SLC26A7: variants seen among roughly 807,000 people sequenced by gnomAD.
The protein encoded by SLC26A7 is solute carrier family 26 member 7.
Under a neutral mutation model 82.5 loss-of-function variants are expected in SLC26A7, and 59 were observed. That is an observed-to-expected ratio of 0.72 (90% CI 0.58 to 0.89). The LOEUF (loss-of-function observed/expected upper bound fraction) is 0.89, where lower values mean the gene tolerates loss of function less well. Ranked by LOEUF, SLC26A7 falls within the 40% of genes least tolerant of loss-of-function variation. The probability of loss-of-function intolerance (pLI) is 0.00; values close to 1 mark genes in which losing one functional copy is unlikely to be tolerated. For synonymous variants in SLC26A7, 271 were observed against 274.3 expected (o/e 0.99, Z 0.12); for missense variants, 820 against 793.0 (o/e 1.03, Z -0.41).
Position 91,277,870 on chromosome 8 carries a change from A to G in SLC26A7, c.194-11266A>G, listed in dbSNP as rs1811448039. 2.6e-5 allele frequency among the ~76,000 whole-genome samples: 4 copies of G among 152,108 alleles called. No individual in the cohort carries two copies. The South Asian group carries it at 8.3e-4, about 32-fold the overall frequency. On this transcript the variant is annotated intron_variant, in intron 2 of 18. Transcript: ENST00000276609. ...CTATCTTAGGCTTATTCCCCCCCAA[A>G]TTAGTGACTGAGTCAGGATTTATGT...
intron 2 of SLC26A7, among the ~76,000 whole-genome samples, chr8:91,222,052 C>A (rs1205424673): frequency 6.6e-6 from 1 of 152,040 alleles, no homozygotes; most frequent in Non-Finnish European, 1.5e-5. Context: ...TTTCCTTGAA[C>A]AATGGTTTGT....
chr8:91,312,639 GTC>G (rs1475903594), intron 4 of SLC26A7, among the ~76,000 whole-genome samples: 1 of 48,502 alleles, frequency 2.1e-5, no homozygotes, highest in Admixed American at 1.8e-4. Context: ...ATGTAGGTGT[GTC>G]TGTGTGTGTG....
intron 2 of SLC26A7, among the ~76,000 whole-genome samples, chr8:91,283,138 T>A (rs1203487037): frequency 6.6e-6 from 1 of 152,242 alleles, no homozygotes; most frequent in African/African-American, 2.4e-5. Context: ...GAAGGGTATC[T>A]GACTCAAGAT....
intron 10 of SLC26A7, among the ~76,000 whole-genome samples, 181 bp downstream of exon 10, chr8:91,352,068 G>T (rs1217901053): frequency 2.6e-5 from 4 of 151,958 alleles, no homozygotes; most frequent in Non-Finnish European, 5.9e-5. Context: ...GTGGGAGGGG[G>T]TACCGTGGCT....
At chr8:91,213,685 A>T (rs775250180) in intron 1 of SLC26A7, among the ~76,000 whole-genome samples, 7 of 152,192 alleles carry the variant, frequency 4.6e-5, no homozygotes, top group Non-Finnish European at 1.0e-4. Context: ...GGAAGATGAG[A>T]TCACTGTAGG....
At chr8:91,285,933 GT>G (rs1167434407) in intron 2 of SLC26A7, among the ~76,000 whole-genome samples, 2 of 152,128 alleles carry the variant, frequency 1.3e-5, no homozygotes, top group Non-Finnish European at 2.9e-5. Context: ...TGTTTCTTTG[GT>G]TTTCTGAATA....
intron 16 of SLC26A7, among the ~76,000 whole-genome samples, chr8:91,390,875 C>T (rs1814947517): frequency 6.6e-6 from 1 of 152,144 alleles, no homozygotes; most frequent in South Asian, 2.1e-4. Flanking sequence ...AACTCAGCCA[C>T]CCTGTGCTGC....
intron 7 of SLC26A7, among the ~76,000 whole-genome samples, chr8:91,338,507 A>G (rs1315017983): frequency 6.6e-6 from 1 of 152,190 alleles, no homozygotes. Flanking sequence ...AATAGAGGGC[A>G]TTGACTTTGC....
At chr8:91,288,869 A>AATGGT (rs1811784705) in intron 2 of SLC26A7, among the ~76,000 whole-genome samples, 1 of 152,230 alleles carries the variant, frequency 6.6e-6, no homozygotes, top group East Asian at 1.9e-4. Flanking sequence ...ATTCAACAGG[A>AATGGT]AGACTCTCTG....
At chr8:91,288,280 TTTA>T (rs1242880934) in intron 2 of SLC26A7, among the ~76,000 whole-genome samples, 1 of 152,180 alleles carries the variant, frequency 6.6e-6, no homozygotes, top group Non-Finnish European at 1.5e-5. Flanking sequence ...TGTAAAGTCC[TTTA>T]TGCCCAATTT....
upstream of SLC26A7, among the ~76,000 whole-genome samples, chr8:91,245,139 T>G (rs1052507947): frequency 6.6e-6 from 1 of 152,166 alleles, no homozygotes; most frequent in Non-Finnish European, 1.5e-5. Flanking sequence ...CCATAGAATA[T>G]CAGAACTCTT....
At chr8:91,365,779 C>T (rs530837985) in intron 13 of SLC26A7, among the ~76,000 whole-genome samples, 8 of 152,234 alleles carry the variant, frequency 5.3e-5, no homozygotes, top group African/African-American at 7.2e-5. Context: ...CTGTATGCAT[C>T]GCTATTCTTT....
intron 16 of SLC26A7, among the ~76,000 whole-genome samples, chr8:91,391,575 C>A (rs533419244): frequency 6.6e-6 from 1 of 152,266 alleles, no homozygotes; most frequent in Non-Finnish European, 1.5e-5. Context: ...ATTGTAAACA[C>A]ATGGTTCCTC....
intron 5 of SLC26A7, among the ~76,000 whole-genome samples, chr8:91,332,703 T>A (rs1813127828): frequency 6.6e-6 from 1 of 151,422 alleles, no homozygotes; most frequent in Admixed American, 6.6e-5. Context: ...GCTAATTTTT[T>A]AAATTTTTCA....
intron 2 of SLC26A7, among the ~76,000 whole-genome samples, chr8:91,219,761 T>C (rs1185604093): frequency 1.3e-5 from 2 of 152,174 alleles, no homozygotes; most frequent in Non-Finnish European, 2.9e-5. Context: ...AGCACTGAAT[T>C]AGAAACTTTG....
chr8:91,377,028 G>C (rs1280735955), intron 15 of SLC26A7, among the ~76,000 whole-genome samples: 1 of 152,126 alleles, frequency 6.6e-6, no homozygotes, highest in African/African-American at 2.4e-5. Context: ...CCCCAGTCCA[G>C]AGCAGACAAC....
intron 2 of SLC26A7, among the ~76,000 whole-genome samples, chr8:91,231,446 TCA>T (rs1454175888): frequency 2.0e-5 from 3 of 152,146 alleles, no homozygotes; most frequent in African/African-American, 7.2e-5. Flanking sequence ...AAGGCCAAAA[TCA>T]CACACGGGGA....
intron 2 of SLC26A7, among the ~76,000 whole-genome samples, chr8:91,263,213 A>G (rs1811015045): frequency 6.6e-6 from 1 of 152,090 alleles, no homozygotes. Flanking sequence ...TCTGAAGTAA[A>G]AACTGAACTA....
At chr8:91,317,217 C>A (rs1427290616) in intron 4 of SLC26A7, among the ~76,000 whole-genome samples, 1 of 151,810 alleles carries the variant, frequency 6.6e-6, no homozygotes, top group South Asian at 2.1e-4. Context: ...ATTCCTGTCA[C>A]CTTTTGCCCA....
Sources: gnomAD v4.1 joint callset for allele counts (sites outside exome capture counted in the v4.1 genomes callset) on GRCh38, gnomAD v4.1.1 for gene constraint, MANE v1.5 for transcripts, NCBI Gene and HGNC (gene_info 2026-07-23, HGNC 2026-07-21) for gene names.